The following RFC3 variants were observed in gnomAD, a reference collection of about 807,000 sequenced individuals.
The protein encoded by RFC3 is A1 38 kDa subunit.
In RFC3, 41 loss-of-function variants were observed where a neutral mutation model predicts 45.1. The observed-to-expected ratio is 0.91, with a 90% CI of 0.71 to 1.18. The LOEUF (loss-of-function observed/expected upper bound fraction) is 1.18. Ranked by LOEUF, RFC3 falls within the 50% of genes most tolerant of loss-of-function variation. The pLI is 0.00. For missense variants in RFC3, 423 were observed against 428.1 expected (o/e 0.99, Z 0.10); for synonymous variants, 149 against 144.0 (o/e 1.03, Z -0.25).
chr13:33,921,355 G>A (rs997702524), intron 8 of RFC3, among the ~76,000 whole-genome samples: 5 of 152,156 alleles, frequency 3.3e-5, no homozygotes, highest in African/African-American at 9.7e-5. Context: ...TGAAGGCAAC[G>A]GCTTTGAAGG....
intron 2 of RFC3, among the ~76,000 whole-genome samples, chr13:33,822,477 G>T (rs1166413692): frequency 6.6e-6 from 1 of 152,146 alleles, no homozygotes; most frequent in African/African-American, 2.4e-5. Flanking sequence ...GTGAAGTAGG[G>T]CTTGTGTTAA....
intron 4 of RFC3, among the ~76,000 whole-genome samples, chr13:33,827,585 G>A (rs941686792): frequency 6.6e-6 from 1 of 152,130 alleles, no homozygotes; most frequent in Non-Finnish European, 1.5e-5. Context: ...AAAGTGAAAT[G>A]TTGTAGGGTC....
chr13:33,900,460 A>C (rs980752684), intron 8 of RFC3, among the ~76,000 whole-genome samples: 1 of 151,932 alleles, frequency 6.6e-6, no homozygotes, highest in African/African-American at 2.4e-5. Context: ...ATGGTGCTGA[A>C]AAACCTGGTT....
intron 2 of RFC3, 98 bp from the exon 3 acceptor site, chr13:33,823,819 T>G (rs1215213541): frequency 1.7e-6 from 1 of 593,408 alleles, no homozygotes; most frequent in African/African-American, 1.9e-5. Flanking sequence ...TATCTCAAGT[T>G]TTACTTTGTG....
intron 8 of RFC3, among the ~76,000 whole-genome samples, chr13:33,904,104 A>G (rs2082657847): frequency 6.7e-6 from 1 of 150,070 alleles, no homozygotes; most frequent in Non-Finnish European, 1.5e-5. Context: ...AAAATTGTTT[A>G]TGGTCAATTT....
At chr13:33,925,515 GTGTACTATATACATA>G (rs2082803769) in intron 8 of RFC3, among the ~76,000 whole-genome samples, 2 of 141,842 alleles carry the variant, frequency 1.4e-5, no homozygotes, top group African/African-American at 5.2e-5. Flanking sequence ...TACATACATA[GTGTACTATATACATA>G]CATACATAGT....
At chr13:33,880,700 T>C (rs1394501513) in intron 8 of RFC3, among the ~76,000 whole-genome samples, 2 of 152,206 alleles carry the variant, frequency 1.3e-5, no homozygotes, top group African/African-American at 4.8e-5. Flanking sequence ...CAACTCTGAA[T>C]ACCACCTTAC....
intron 8 of RFC3, among the ~76,000 whole-genome samples, chr13:33,930,988 T>C (rs944103051): frequency 2.0e-5 from 3 of 152,094 alleles, no homozygotes; most frequent in African/African-American, 7.2e-5. Flanking sequence ...TTCTTAGAGT[T>C]TTTTTTAGTG....
At chr13:33,925,690 TACAC>T (rs139123720) in intron 8 of RFC3, among the ~76,000 whole-genome samples, 10 of 148,648 alleles carry the variant, frequency 6.7e-5, no homozygotes, top group South Asian at 6.4e-4. Flanking sequence ...TATGTATATA[TACAC>T]ACACACACAC....
the RFC3 span, among the ~76,000 whole-genome samples, chr13:33,972,879 G>A: frequency 1.3e-5 from 2 of 152,140 alleles, no homozygotes; most frequent in Non-Finnish European, 2.9e-5. Flanking sequence ...TACATAAAGA[G>A]TGCATGAAAT....
intron 8 of RFC3, among the ~76,000 whole-genome samples, chr13:33,935,614 T>C (rs983301940): frequency 3.9e-5 from 6 of 152,142 alleles, no homozygotes; most frequent in Admixed American, 2.0e-4. Context: ...GGTTGTAAGA[T>C]GAGAGAACTT....
chr13:33,917,909 G>A (rs1038559535), intron 8 of RFC3, among the ~76,000 whole-genome samples: 2 of 151,916 alleles, frequency 1.3e-5, no homozygotes, highest in South Asian at 2.1e-4. Context: ...CCAGTAAGGG[G>A]GTGTCAGAGA....
chr13:33,976,917 A>G, the RFC3 span, among the ~76,000 whole-genome samples: 1 of 152,134 alleles, frequency 6.6e-6, no homozygotes, highest in African/African-American at 2.4e-5. Flanking sequence ...AACCTGACAA[A>G]CACTACCTCG....
chr13:33,947,327 T>G (rs1470099175), intron 8 of RFC3, among the ~76,000 whole-genome samples: 1 of 152,132 alleles, frequency 6.6e-6, no homozygotes, highest in Non-Finnish European at 1.5e-5. Flanking sequence ...CCTGCTGCCC[T>G]GTGAAGAGGT....
chr13:33,955,789 T>A (rs1780526786), intron 8 of RFC3, among the ~76,000 whole-genome samples: 1 of 152,266 alleles, frequency 6.6e-6, no homozygotes, highest in Non-Finnish European at 1.5e-5. Flanking sequence ...CTAAACCAGT[T>A]AAAAAATTTG....
intron 8 of RFC3, among the ~76,000 whole-genome samples, chr13:33,923,185 A>G (rs1024295114): frequency 2.6e-5 from 4 of 152,072 alleles, no homozygotes; most frequent in Non-Finnish European, 5.9e-5. Context: ...AGATAGAGCT[A>G]TTGCACTGTA....
chr13:33,922,865 T>C (rs1202228629), intron 8 of RFC3, among the ~76,000 whole-genome samples: 2 of 152,098 alleles, frequency 1.3e-5, no homozygotes, highest in African/African-American at 2.4e-5. Flanking sequence ...ATTTGTAAAA[T>C]AGAGGTAATA....
Position 33,836,685 on chromosome 13 carries a change from T to G in RFC3, c.*390T>G. On this transcript the variant is annotated 3_prime_UTR_variant, in exon 9 of 9. Coordinates refer to ENST00000380071, the MANE Select transcript of RFC3 (RefSeq NM_002915.4). ...CATTTTCTGCCACAGGTAACATGATTGTTTGACACACCATTATATTTAATT... is the reference window on the plus strand; with the variant it reads ...CATTTTCTGCCACAGGTAACATGATGGTTTGACACACCATTATATTTAATT... 1 of 988,648 alleles carries G rather than the reference T, an allele frequency of 1.0e-6. No individual in the cohort carries two copies. Among genetic ancestry groups the G allele is most frequent in the Non-Finnish European group, 1.2e-6 (1 of 831,960 alleles). 61.2% of individuals were successfully genotyped at this position (988,648 alleles called of 1,614,324 possible). A position where few individuals can be genotyped will look rare whatever the true frequency, so the allele number is the denominator to read the frequency against.
chr13:33,969,847 T>C (rs1243250914), downstream of RFC3, among the ~76,000 whole-genome samples: 3 of 152,060 alleles, frequency 2.0e-5, no homozygotes, highest in African/African-American at 7.2e-5. Flanking sequence ...ATATTTCTGG[T>C]ATTATCAGTC....
Sources: allele counts gnomAD v4.1 joint callset (sites outside exome capture counted in the v4.1 genomes callset), GRCh38; gene constraint gnomAD v4.1.1; transcripts MANE v1.5; gene names NCBI Gene and HGNC (gene_info 2026-07-23, HGNC 2026-07-21).